The following KSR2 variants were observed in gnomAD, a reference collection of about 807,000 sequenced individuals.
KSR2 encodes the protein kinase suppressor of ras 2.
In KSR2, 25 loss-of-function variants were observed where a neutral mutation model predicts 107.8. The observed-to-expected ratio is 0.23, with a 90% CI of 0.17 to 0.32. KSR2 has a LOEUF of 0.32. Ranked by LOEUF, KSR2 falls within the 10% of genes least tolerant of loss-of-function variation. KSR2 has a pLI of 1.00. For missense variants in KSR2, 887 were observed against 1,268.9 expected (o/e 0.70, Z 4.57); for synonymous variants, 480 against 507.0 (o/e 0.95, Z 0.71).
chr12:117,704,788 G>C (rs928445795), intron 4 of KSR2, among the ~76,000 whole-genome samples: 10 of 152,036 alleles, frequency 6.6e-5, no homozygotes, highest in African/African-American at 2.4e-4. Context: ...GAACCCAGGA[G>C]GTGGAGGTTG....
intron 13 of KSR2, among the ~76,000 whole-genome samples, chr12:117,526,564 G>A (rs1875182426): frequency 6.6e-6 from 1 of 152,188 alleles, no homozygotes; most frequent in Admixed American, 6.5e-5. Flanking sequence ...TTCCTTGGAA[G>A]CCCTGACTCA....
intron 3 of KSR2, among the ~76,000 whole-genome samples, chr12:117,853,230 T>C (rs1465183240): frequency 1.3e-5 from 2 of 152,234 alleles, no homozygotes; most frequent in Non-Finnish European, 2.9e-5. Flanking sequence ...AGGAAAAATA[T>C]GGATATTTCC....
At chr12:117,753,434 G>C (rs1466461614) in intron 4 of KSR2, among the ~76,000 whole-genome samples, 1 of 152,060 alleles carries the variant, frequency 6.6e-6, no homozygotes, top group Non-Finnish European at 1.5e-5. Context: ...GTATATCTAT[G>C]TATATAAGTA....
intron 5 of KSR2, among the ~76,000 whole-genome samples, chr12:117,627,547 G>C (rs1159990586): frequency 6.6e-6 from 1 of 152,200 alleles, no homozygotes; most frequent in African/African-American, 2.4e-5. Flanking sequence ...CTTCTGGCTT[G>C]TAGGGTTTCT....
At chr12:117,471,636 A>G (rs923944283) in intron 17 of KSR2, among the ~76,000 whole-genome samples, 1 of 152,234 alleles carries the variant, frequency 6.6e-6, no homozygotes, top group Non-Finnish European at 1.5e-5. Flanking sequence ...ATTTATTTAT[A>G]AGGATATTCT....
chr12:117,779,579 A>T (rs967614176), intron 3 of KSR2, among the ~76,000 whole-genome samples: 1 of 152,144 alleles, frequency 6.6e-6, no homozygotes, highest in African/African-American at 2.4e-5. Context: ...CCACGTGTCA[A>T]GGGAGGGACC....
At chr12:117,745,173 CT>C (rs35248198) in intron 4 of KSR2, among the ~76,000 whole-genome samples, 2 of 152,052 alleles carry the variant, frequency 1.3e-5, no homozygotes, top group African/African-American at 2.4e-5. Context: ...CTGCCACAGA[CT>C]TTGGGTAAAA....
intron 4 of KSR2, among the ~76,000 whole-genome samples, chr12:117,731,239 C>T (rs991615250): frequency 1.3e-5 from 2 of 149,104 alleles, no homozygotes; most frequent in African/African-American, 2.5e-5. Flanking sequence ...GCCCAGCCGC[C>T]CCGTCTGGGA....
intron 3 of KSR2, among the ~76,000 whole-genome samples, chr12:117,771,052 G>A (rs545987441): frequency 4.0e-5 from 6 of 151,174 alleles, no homozygotes; most frequent in African/African-American, 7.3e-5. Context: ...TCAATCCTCC[G>A]TGGCATCCTG....
intron 3 of KSR2, among the ~76,000 whole-genome samples, chr12:117,767,244 T>G (rs975839815): frequency 1.5e-5 from 2 of 133,240 alleles, no homozygotes; most frequent in African/African-American, 5.9e-5. Flanking sequence ...AAACCCCGTC[T>G]CTACTAAAAA....
intron 1 of KSR2, among the ~76,000 whole-genome samples, chr12:117,956,706 C>T (rs923631009): frequency 6.6e-6 from 1 of 151,450 alleles, no homozygotes; most frequent in Non-Finnish European, 1.5e-5. Context: ...GCAGGAGGAT[C>T]ACTTGAGCTC....
intron 1 of KSR2, among the ~76,000 whole-genome samples, chr12:117,876,444 G>A (rs1893853896): frequency 6.6e-6 from 1 of 152,198 alleles, no homozygotes; most frequent in African/African-American, 2.4e-5. Context: ...ACAGGCAGCT[G>A]CCTCTGCAGG....
Position 117,968,425 on chromosome 12 carries a change from G to A in KSR2, c.-170C>T. 7.5e-7 allele frequency: 1 copy of A among 1,327,002 alleles called. No individual in the cohort carries two copies. Among genetic ancestry groups the A allele is most frequent in the Non-Finnish European group, 9.6e-7 (1 of 1,046,326 alleles). The allele number at this position is 1,327,002 out of a possible 1,614,324, so 82.2% of individuals were successfully genotyped here. On this transcript the variant is annotated 5_prime_UTR_variant, in exon 1 of 20. Coordinates refer to ENST00000339824, the MANE Select transcript of KSR2 (RefSeq NM_173598.6). The stretch of plus-strand genomic sequence containing the variant: ...AGGGTTGAGGGGGTGGGAGTGGGAG[G>A]AGGGGACAAGAGCCAAAATTTATTA...
rs1477552581 is a variant in KSR2, at chr12:117,455,981, A to G, written c.*11218T>C. On this transcript the variant is annotated 3_prime_UTR_variant, in exon 20 of 20. Coordinates refer to ENST00000339824, the MANE Select transcript of KSR2 (RefSeq NM_173598.6). ...GTGACAGCATGCCTGACATGCCACC[A>G]TATGGGCTTCTGGCCTCTGTGCTCC... 4 of 152,222 alleles carry G rather than the reference A, an allele frequency of 2.6e-5. No individual in the cohort carries two copies. The highest frequency in any genetic ancestry group is 4.4e-5 in the Non-Finnish European group (3 of 68,050). 9.4% of individuals were successfully genotyped at this position (152,222 alleles called of 1,614,324 possible).
At chr12:117,717,155 G>C (rs776116965) in intron 4 of KSR2, among the ~76,000 whole-genome samples, 1 of 152,212 alleles carries the variant, frequency 6.6e-6, no homozygotes, top group Non-Finnish European at 1.5e-5. Flanking sequence ...CAGTAACAAT[G>C]ATGCCAAGGA....
intron 4 of KSR2, among the ~76,000 whole-genome samples, chr12:117,745,875 G>A (rs1344460801): frequency 1.3e-5 from 2 of 151,986 alleles, no homozygotes; most frequent in Non-Finnish European, 2.9e-5. Flanking sequence ...AACTTACAAG[G>A]GATGTGAAGG....
chr12:117,480,953 T>C (rs1872136850), intron 16 of KSR2, among the ~76,000 whole-genome samples: 1 of 152,058 alleles, frequency 6.6e-6, no homozygotes, highest in Non-Finnish European at 1.5e-5. Context: ...GCCTGGGACC[T>C]TGAAAGGCTG....
intron 5 of KSR2, 87 bp from the exon 6 acceptor site, chr12:117,582,446 G>A (rs1002945511): frequency 6.4e-5 from 62 of 963,436 alleles, no homozygotes; most frequent in Non-Finnish European, 8.8e-5. Context: ...AGGGGGGCTC[G>A]TCACCCTCAG....
chr12:117,874,957 G>A (rs975663408), intron 1 of KSR2, among the ~76,000 whole-genome samples: 1 of 152,130 alleles, frequency 6.6e-6, no homozygotes, highest in South Asian at 2.1e-4. Flanking sequence ...GGGGTTAGAG[G>A]GATCACAGGT....
Sources: gnomAD v4.1 joint callset for allele counts (sites outside exome capture counted in the v4.1 genomes callset) on GRCh38, gnomAD v4.1.1 for gene constraint, MANE v1.5 for transcripts, NCBI Gene and HGNC (gene_info 2026-07-23, HGNC 2026-07-21) for gene names.